Variants in RSF1 observed in about 807,000 individuals in gnomAD.
RSF1 encodes the protein remodeling and spacing factor 1, also known as HBV pX-associated protein 8.
A neutral mutation model predicts 145.2 loss-of-function variants in RSF1; 13 were observed. The observed-to-expected ratio is 0.09, with a 90% CI of 0.06 to 0.14. The LOEUF (loss-of-function observed/expected upper bound fraction) is 0.14, where lower values mean the gene tolerates loss of function less well. Among genes scored for constraint, RSF1 ranks in the 10% least tolerant of loss-of-function variants. RSF1 has a pLI of 1.00. For synonymous variants in RSF1, 577 were observed against 592.6 expected (o/e 0.97, Z 0.38); for missense variants, 1,517 against 1,718.2 (o/e 0.88, Z 2.07).
the RSF1 span, chr11:77,850,651 G>A: frequency 6.6e-6 from 1 of 152,100 alleles, no homozygotes; most frequent in African/African-American, 2.4e-5. Context: ...TTTGAAAAAT[G>A]TTAAACCTAC....
chr11:77,699,703 G>C (rs1960367777), intron 6 of RSF1, among the ~76,000 whole-genome samples: 1 of 152,320 alleles, frequency 6.6e-6, no homozygotes, highest in Non-Finnish European at 1.5e-5. Flanking sequence ...TGTGGAAGTA[G>C]CTATCAAAAC....
At position 77,688,280 on chromosome 11, in the gene RSF1, G is replaced by A. The variant is rs1383752731; in HGVS notation, c.2900+2879C>T. ...GTACCTGAACTCCAGCCTGGGTGAC[G>A]GAGCAAGACTCTGTCTCAAAACAAA... On this transcript the variant is annotated intron_variant, in intron 9 of 15. Transcript: ENST00000308488. Among the ~76,000 whole-genome samples, 6 of 152,182 alleles carry A rather than the reference G, an allele frequency of 3.9e-5. No homozygotes were observed. In the South Asian group the frequency reaches 1.0e-3, roughly 26 times the overall value.
At chr11:77,793,828 A>G (rs1329726991) in intron 1 of RSF1, among the ~76,000 whole-genome samples, 1 of 152,196 alleles carries the variant, frequency 6.6e-6, no homozygotes, top group Non-Finnish European at 1.5e-5. Context: ...TCTTCCATCA[A>G]GGGTGTAAGA....
At chr11:77,845,710 G>A in the RSF1 span, among the ~76,000 whole-genome samples, 7 of 152,116 alleles carry the variant, frequency 4.6e-5, no homozygotes, top group East Asian at 1.2e-3. Context: ...GTTTATAGGT[G>A]AGCCACCACA....
chr11:77,812,395 G>C (rs769378490), intron 1 of RSF1, among the ~76,000 whole-genome samples: 1 of 152,168 alleles, frequency 6.6e-6, no homozygotes, highest in Non-Finnish European at 1.5e-5. Context: ...ACAAATACTG[G>C]AGAATAAAGC....
At chr11:77,685,989 G>A (rs564179458) in intron 9 of RSF1, among the ~76,000 whole-genome samples, 27 of 152,256 alleles carry the variant, frequency 1.8e-4, no homozygotes, top group African/African-American at 6.0e-4. Context: ...CAATGCAGAC[G>A]TATAGCTCTG....
chr11:77,802,006 A>G (rs1363023827), intron 1 of RSF1, among the ~76,000 whole-genome samples: 1 of 151,926 alleles, frequency 6.6e-6, no homozygotes, highest in Non-Finnish European at 1.5e-5. Flanking sequence ...TTTCTATAAA[A>G]TAATAATAAT....
chr11:77,849,933 T>C, the RSF1 span, among the ~76,000 whole-genome samples: 13 of 152,236 alleles, frequency 8.5e-5, no homozygotes, highest in Non-Finnish European at 1.6e-4. Flanking sequence ...TGTGCCTCTA[T>C]TATAGCACTT....
intron 11 of RSF1, among the ~76,000 whole-genome samples, chr11:77,683,088 T>TC: frequency 6.6e-6 from 1 of 151,890 alleles, no homozygotes; most frequent in East Asian, 1.9e-4. Flanking sequence ...GTCAAGAGGT[T>TC]GAGACTATCC....
At chr11:77,672,006 G>A (rs189137630) in intron 15 of RSF1, 36 bp downstream of exon 15, 4 of 1,548,360 alleles carry the variant, frequency 2.6e-6, no homozygotes, top group Non-Finnish European at 3.5e-6. Flanking sequence ...ATTTTGCCCT[G>A]TCCAAACTTC....
chr11:77,680,304 G>A (rs1261527410), intron 11 of RSF1, among the ~76,000 whole-genome samples: 1 of 152,178 alleles, frequency 6.6e-6, no homozygotes, highest in East Asian at 1.9e-4. Flanking sequence ...GCCAGGTGTG[G>A]TGATGTGTGC....
chr11:77,722,399 G>A (rs1419846643), intron 5 of RSF1, among the ~76,000 whole-genome samples: 1 of 151,994 alleles, frequency 6.6e-6, no homozygotes. Context: ...TCAAAATATG[G>A]TCCTCTAACC....
At chr11:77,845,220 CATT>C in the RSF1 span, among the ~76,000 whole-genome samples, 1 of 152,110 alleles carries the variant, frequency 6.6e-6, no homozygotes, top group Admixed American at 6.6e-5. Context: ...TTGTGACTCT[CATT>C]ATGAATATAT....
At chr11:77,834,441 G>GTTTTTTT in the RSF1 span, among the ~76,000 whole-genome samples, 291 of 105,366 alleles carry the variant, frequency 2.8e-3, no homozygotes, top group East Asian at 3.5e-3. Context: ...AGTTGATTTT[G>GTTTTTTT]TTTTTTTTTT....
intron 4 of RSF1, among the ~76,000 whole-genome samples, chr11:77,733,346 CTA>C (rs10580240): frequency 0.18 from 27,026 of 150,026 alleles, 2,999 homozygotes; most frequent in African/African-American, 0.3. Flanking sequence ...TGAATACTGG[CTA>C]TATATATATA....
At chr11:77,869,707 T>G in the RSF1 span, 2 of 1,612,882 alleles carry the variant, frequency 1.2e-6, no homozygotes, top group Non-Finnish European at 1.7e-6. Flanking sequence ...GTCTACTTTC[T>G]CTTTCCACAT....
At chr11:77,828,886 T>C in the RSF1 span, among the ~76,000 whole-genome samples, 9 of 152,144 alleles carry the variant, frequency 5.9e-5, no homozygotes, top group Admixed American at 5.9e-4. Flanking sequence ...CTAATACTAA[T>C]ATGGAAATTC....
At chr11:77,795,885 C>G (rs934371220) in intron 1 of RSF1, among the ~76,000 whole-genome samples, 7 of 152,140 alleles carry the variant, frequency 4.6e-5, no homozygotes, top group Non-Finnish European at 1.0e-4. Flanking sequence ...ATCACTGCCT[C>G]AATTTCAGAA....
chr11:77,697,413 C>A (rs767539956), intron 7 of RSF1, among the ~76,000 whole-genome samples: 132 of 147,570 alleles, frequency 8.9e-4, no homozygotes, highest in Non-Finnish European at 1.4e-3. Flanking sequence ...ACTTCCTCAA[C>A]AGACTCACTT....
Sources: gnomAD v4.1 joint callset for allele counts (sites outside exome capture counted in the v4.1 genomes callset) on GRCh38, gnomAD v4.1.1 for gene constraint, MANE v1.5 for transcripts, NCBI Gene and HGNC (gene_info 2026-07-23, HGNC 2026-07-21) for gene names.